The following PDZD2 variants were observed in gnomAD, a reference collection of about 807,000 sequenced individuals.
PDZD2 encodes PDZ domain-containing protein 2.
In PDZD2, 90 loss-of-function variants were observed where a neutral mutation model predicts 220.7. The ratio of observed to expected loss-of-function variants is 0.41; its 90% CI spans 0.34 to 0.49. The LOEUF (loss-of-function observed/expected upper bound fraction) is 0.49, where lower values mean the gene tolerates loss of function less well. PDZD2 is among the 20% of genes least tolerant of loss of function. The probability of loss-of-function intolerance (pLI) is 0.28; values close to 1 mark genes in which losing one functional copy is unlikely to be tolerated. For synonymous variants in PDZD2, 1,375 were observed against 1,450.5 expected, an observed-to-expected ratio of 0.95 and a Z score of 1.18; for missense variants, 3,174 against 3,608.5, an observed-to-expected ratio of 0.88 and a Z score of 3.08.
At chr5:32,072,105 TG>T in intron 16 of PDZD2, 55 bp from the exon 17 acceptor site, 1 of 1,292,552 alleles carries the variant, frequency 7.7e-7, no homozygotes, top group Admixed American at 1.8e-5. Flanking sequence ...TAATAACCCT[TG>T]AAAGTCTGCT....
In PDZD2 at chr5:31,799,127, G is replaced by C; in HGVS notation, c.-122G>C. ...TAGGTGTCCCTAGGCTCATCTGCCA[G>C]CCTGAACATGAACACAGGCAAAGCT... On this transcript the variant is annotated 5_prime_UTR_variant, in exon 2 of 25. Coordinates refer to ENST00000438447, the MANE Select transcript of PDZD2 (RefSeq NM_178140.4). 1 of 647,858 alleles carries C rather than the reference G, an allele frequency of 1.5e-6. No homozygotes were observed. The highest frequency in any genetic ancestry group is 2.7e-6 in the Non-Finnish European group (1 of 373,888). The allele number at this position is 647,858 out of a possible 1,614,324, so 40.1% of individuals were successfully genotyped here. A position where few individuals can be genotyped will look rare whatever the true frequency, so the allele number is the denominator to read the frequency against.
intron 2 of PDZD2, among the ~76,000 whole-genome samples, chr5:31,930,810 C>T (rs1490715045): frequency 6.6e-6 from 1 of 152,080 alleles, no homozygotes; most frequent in African/African-American, 2.4e-5. Context: ...TGGCTCAGGC[C>T]TGTAATCCCA....
chr5:31,675,982 G>A (rs1019534487), intron 1 of PDZD2, among the ~76,000 whole-genome samples: 2 of 152,172 alleles, frequency 1.3e-5, no homozygotes, highest in Admixed American at 6.5e-5. Flanking sequence ...GATTACAGGC[G>A]TGAGCCACCG....
intron 1 of PDZD2, among the ~76,000 whole-genome samples, chr5:31,797,922 A>G (rs1452509594): frequency 3.3e-5 from 5 of 152,222 alleles, no homozygotes; most frequent in Non-Finnish European, 7.3e-5. Flanking sequence ...GAGAAAGTGA[A>G]GTTCAGAGAA....
At position 32,087,365 on chromosome 5, in the gene PDZD2, G is replaced by C. The variant is rs544825168; in HGVS notation, c.3917G>C (p.Arg1306Pro). 6.2e-7 allele frequency: 1 copy of C among 1,614,012 alleles called. No individual in the cohort carries two copies. The highest frequency in any genetic ancestry group is 8.5e-7 in the Non-Finnish European group (1 of 1,179,936). Residue 1306 changes from arginine (R) to proline (P), a missense_variant, in exon 20 of 25, where the codon CGA (arginine) becomes CCA (proline). This residue lies in a region of PDZD2 where 1,861 missense variants were observed against 2,001.0 expected (regional missense o/e 0.93). Transcript: ENST00000438447. The surrounding 1 kb of genome is among the most constrained non-coding windows in gnomAD (Gnocchi z 4.0). The stretch of plus-strand genomic sequence containing the variant: ...GCTCCCCCTGACTACAGCAAGACTC[G>C]ATCAGCATCGGAAACCAGCACACCC... The part of the protein sequence containing the change: ...AAAPPDYSKT[R>P]SASETSTPHN...
chr5:31,995,126 C>T (rs560940701), intron 3 of PDZD2, among the ~76,000 whole-genome samples: 3 of 152,156 alleles, frequency 2.0e-5, no homozygotes, highest in Admixed American at 1.3e-4. Context: ...CCAGTGTTGA[C>T]GTGCACAGTG....
intron 2 of PDZD2, among the ~76,000 whole-genome samples, chr5:31,914,790 A>G (rs913703673): frequency 6.6e-6 from 1 of 152,212 alleles, no homozygotes; most frequent in African/African-American, 2.4e-5. Flanking sequence ...TATGCTGTGT[A>G]TAGGACCACT....
chr5:31,972,513 T>C (rs1749396329), intron 2 of PDZD2, among the ~76,000 whole-genome samples: 1 of 152,198 alleles, frequency 6.6e-6, no homozygotes, highest in Non-Finnish European at 1.5e-5. Context: ...TTTGCCCCAC[T>C]AGATTGTAAG....
Position 32,087,929 on chromosome 5 carries a change from A to G in PDZD2, c.4481A>G (p.Tyr1494Cys). 1 of 1,613,860 alleles carries G rather than the reference A, an allele frequency of 6.2e-7. No homozygotes were observed. Among genetic ancestry groups the G allele is most frequent in the Non-Finnish European group, 8.5e-7 (1 of 1,179,896 alleles). Residue 1494 changes from tyrosine (Y) to cysteine (C), a missense_variant, in exon 20 of 25, where the codon TAC becomes TGC. Transcript: ENST00000438447. The surrounding 1 kb of genome is among the most constrained non-coding windows in gnomAD (Gnocchi z 4.0). The part of the protein sequence containing the change: ...RRAWAAGAPA[Y>C]PQWASQPSVL... ...GCCTGGGCTGCTGGTGCCCCCGCCT[A>G]CCCACAATGGGCCTCCCAGCCTTCG... is the stretch of plus-strand genomic sequence containing the variant.
intron 1 of PDZD2, among the ~76,000 whole-genome samples, chr5:31,667,590 AG>A: frequency 6.6e-6 from 1 of 152,074 alleles, no homozygotes; most frequent in Non-Finnish European, 1.5e-5. Flanking sequence ...CCAGGGCAGG[AG>A]GGCCACCAAG....
At chr5:31,943,656 C>A (rs960584866) in intron 2 of PDZD2, among the ~76,000 whole-genome samples, 1 of 152,158 alleles carries the variant, frequency 6.6e-6, no homozygotes, top group Non-Finnish European at 1.5e-5. Context: ...ACAAAGAAGC[C>A]GACGAGGCAA....
chr5:31,780,637 A>G (rs1215682618), intron 1 of PDZD2, among the ~76,000 whole-genome samples: 4 of 152,162 alleles, frequency 2.6e-5, no homozygotes, highest in East Asian at 1.9e-4. Context: ...TGTCTTAGAC[A>G]TTTCCTTTTA....
At chr5:31,707,296 G>A (rs1159709749) in intron 1 of PDZD2, among the ~76,000 whole-genome samples, 2 of 141,084 alleles carry the variant, frequency 1.4e-5, no homozygotes, top group African/African-American at 2.7e-5. Flanking sequence ...AGAACTTAAA[G>A]TTTAATAAAT....
chr5:32,035,015 G>A (rs1755423651), intron 6 of PDZD2, among the ~76,000 whole-genome samples: 1 of 152,134 alleles, frequency 6.6e-6, no homozygotes, highest in African/African-American at 2.4e-5. Flanking sequence ...TATTACCTTT[G>A]TTTTGTATGT....
intron 2 of PDZD2, among the ~76,000 whole-genome samples, chr5:31,904,439 G>A (rs1742436878): frequency 6.6e-6 from 1 of 152,184 alleles, no homozygotes; most frequent in South Asian, 2.1e-4. Flanking sequence ...CATTGCCTGA[G>A]AAAACAATTA....
intron 2 of PDZD2, among the ~76,000 whole-genome samples, chr5:31,959,398 G>A (rs1480299561): frequency 6.7e-6 from 1 of 149,106 alleles, no homozygotes. Flanking sequence ...TCACTCTGTT[G>A]TCCAGGCTGG....
At chr5:31,710,817 GAA>G (rs61278404) in intron 1 of PDZD2, among the ~76,000 whole-genome samples, 73,887 of 139,472 alleles carry the variant, frequency 0.53, 19,167 homozygotes, top group African/African-American at 0.6. Context: ...ACTCCGTCTT[GAA>G]AAAAAAAAAA....
In PDZD2 at chr5:32,069,653, A is replaced by T; in HGVS notation, c.2533+3A>T. ...GGCCAATTCCTCTCCTGGCTTAGGTACTGTAATCTCACATTTTCATTCAAC... is the reference window on the plus strand; with the variant it reads ...GGCCAATTCCTCTCCTGGCTTAGGTTCTGTAATCTCACATTTTCATTCAAC... On this transcript the variant is annotated splice_donor_region_variant and intron_variant, in intron 15 of 24. Coordinates refer to ENST00000438447, the MANE Select transcript of PDZD2 (RefSeq NM_178140.4). 1 of 1,411,560 alleles carries T rather than the reference A, an allele frequency of 7.1e-7. No individual in the cohort carries two copies. Among genetic ancestry groups the T allele is most frequent in the Non-Finnish European group, 1.0e-6 (1 of 994,970 alleles). The allele number at this position is 1,411,560 out of a possible 1,614,324, so 87.4% of individuals were successfully genotyped here.
At chr5:31,891,795 A>G (rs1107904) in intron 2 of PDZD2, among the ~76,000 whole-genome samples, 70,764 of 152,058 alleles carry the variant, frequency 0.47, 16,675 homozygotes, top group Admixed American at 0.52. Flanking sequence ...TGCCCAGATC[A>G]TGCCAGTGTG....
Sources: gnomAD v4.1 joint callset for allele counts (sites outside exome capture counted in the v4.1 genomes callset) on GRCh38, gnomAD v4.1.1 for gene constraint, gnomAD v4.1.1 regional missense constraint, Gnocchi (gnomAD v3.1) non-coding constraint, MANE v1.5 for transcripts, NCBI Gene and HGNC (gene_info 2026-07-23, HGNC 2026-07-21) for gene names.